The following KLHL12 variants were observed in gnomAD, a reference collection of about 807,000 sequenced individuals.
KLHL12 encodes kelch-like protein 12.
Under a neutral mutation model 60.8 loss-of-function variants are expected in KLHL12, and 17 were observed. That is an observed-to-expected ratio of 0.28 (90% CI 0.19 to 0.42). KLHL12 has a LOEUF of 0.42. KLHL12 is among the 10% of genes least tolerant of loss of function. The pLI is 1.00. For synonymous variants in KLHL12, 220 were observed against 250.9 expected (o/e 0.88, Z 1.16); for missense variants, 468 against 722.3 (o/e 0.65, Z 4.04).
chr1:202,920,624 C>T (rs1660665249), intron 2 of KLHL12, among the ~76,000 whole-genome samples: 1 of 151,786 alleles, frequency 6.6e-6, no homozygotes, highest in Non-Finnish European at 1.5e-5. Context: ...GATCCGCCTG[C>T]CTCAGCCTCC....
rs1384987489 is a variant in KLHL12, at chr1:202,895,959, A to G, written c.940-242T>C. 4.6e-5 allele frequency among the ~76,000 whole-genome samples: 7 copies of G among 152,164 alleles called. No homozygotes were observed. The highest frequency in any genetic ancestry group is 1.7e-4 in the African/African-American group (7 of 41,398). The stretch of plus-strand genomic sequence containing the variant: ...TCTCTGCCTCTTTCCAAGGCTTCCA[A>G]AAGATTTAACAGCTTTCTGTTATCC... On this transcript the variant is annotated intron_variant, in intron 7 of 11. Coordinates refer to ENST00000367261, the MANE Select transcript of KLHL12 (RefSeq NM_021633.4). This position sits in a 1 kb window ranked among gnomAD's most constrained non-coding sequence, Gnocchi z 4.2.
At chr1:202,927,023 G>A (rs1357097379) in intron 1 of KLHL12, 66 bp downstream of exon 1, 2 of 970,018 alleles carry the variant, frequency 2.1e-6, no homozygotes, top group Non-Finnish European at 2.5e-6. Context: ...TGGGGGGTAG[G>A]GCCATAACCC....
At position 202,927,190 on chromosome 1, in the gene KLHL12, C is replaced by A. The variant is rs1571550008; in HGVS notation, c.-147G>T. The A allele has an allele frequency of 2.0e-6, 2 of 985,122 alleles. No homozygotes were observed. Among genetic ancestry groups the A allele is most frequent in the South Asian group, 4.7e-5 (1 of 21,286 alleles). 61.0% of individuals were successfully genotyped at this position (985,122 alleles called of 1,614,324 possible). On this transcript the variant is annotated 5_prime_UTR_variant, in exon 1 of 12. Transcript: ENST00000367261. Reference sequence around the variant, plus strand: ...GGCGGCTCGGGAGGAGCCGAAGCGCCGCCCAGACCCGGAGGCTCTGGAGGC... The same window carrying A: ...GGCGGCTCGGGAGGAGCCGAAGCGCAGCCCAGACCCGGAGGCTCTGGAGGC...
At chr1:202,913,188 T>A (rs2102439972) in intron 4 of KLHL12, among the ~76,000 whole-genome samples, 1 of 152,214 alleles carries the variant, frequency 6.6e-6, no homozygotes, top group South Asian at 2.1e-4. Flanking sequence ...TAAGCATACA[T>A]ATGACCAATT....
chr1:202,911,419 A>ATATAT (rs36141808), intron 4 of KLHL12, among the ~76,000 whole-genome samples: 25 of 150,768 alleles, frequency 1.7e-4, no homozygotes, highest in Non-Finnish European at 1.5e-5. Flanking sequence ...TTAAAAAAAA[A>ATATAT]ATATATATAT....
At chr1:202,899,604 T>C (rs559151960) in intron 6 of KLHL12, among the ~76,000 whole-genome samples, 2 of 151,832 alleles carry the variant, frequency 1.3e-5, no homozygotes, top group South Asian at 2.1e-4. Context: ...AGCAGGTAAA[T>C]TGTCTGAGGT....
At chr1:202,897,830 A>G (rs559770871) in intron 6 of KLHL12, among the ~76,000 whole-genome samples, 4 of 151,948 alleles carry the variant, frequency 2.6e-5, no homozygotes, top group South Asian at 2.1e-4. Flanking sequence ...TCAGCCTCCC[A>G]AAGTGCTGGG....
At chr1:202,905,104 C>G (rs1364330901) in intron 6 of KLHL12, among the ~76,000 whole-genome samples, 2 of 152,176 alleles carry the variant, frequency 1.3e-5, no homozygotes, top group Non-Finnish European at 2.9e-5. Flanking sequence ...TAATTGGAAA[C>G]TGCTTCAGCA....
At chr1:202,904,497 T>C (rs1229081761) in intron 6 of KLHL12, among the ~76,000 whole-genome samples, 1 of 152,190 alleles carries the variant, frequency 6.6e-6, no homozygotes, top group African/African-American at 2.4e-5. Context: ...TGGAGACCAA[T>C]ACTCAAACAA....
intron 2 of KLHL12, among the ~76,000 whole-genome samples, chr1:202,921,177 A>ATT (rs568392113): frequency 0.18 from 24,195 of 134,988 alleles, 2,656 homozygotes; most frequent in East Asian, 0.43. Flanking sequence ...CAACCAGCTA[A>ATT]TTTTTTTTTT....
At chr1:202,904,129 C>T (rs1357272349) in intron 6 of KLHL12, among the ~76,000 whole-genome samples, 5 of 152,018 alleles carry the variant, frequency 3.3e-5, no homozygotes, top group African/African-American at 9.7e-5. Context: ...AGCAATTTCC[C>T]GAGTAGCTGG....
chr1:202,894,835 TA>T (rs2102406498), intron 8 of KLHL12, 86 bp from the exon 9 acceptor site: 2 of 1,159,780 alleles, frequency 1.7e-6, no homozygotes, highest in South Asian at 1.3e-5. Context: ...AAGGGTCCTT[TA>T]AAAGTCTGAG....
At position 202,892,431 on chromosome 1, in the gene KLHL12, G is replaced by A. The variant is rs2363765; in HGVS notation, c.*102C>T. The A allele has an allele frequency of 6.1e-4, 796 of 1,306,904 alleles. 1 individual carries two copies. The highest frequency in any genetic ancestry group is 3.5e-3 in the Middle Eastern group (13 of 3,754). 81.0% of individuals were successfully genotyped at this position (1,306,904 alleles called of 1,614,324 possible). A position where few individuals can be genotyped will look rare whatever the true frequency, so the allele number is the denominator to read the frequency against. On this transcript the variant is annotated 3_prime_UTR_variant, in exon 12 of 12. Coordinates refer to ENST00000367261, the MANE Select transcript of KLHL12 (RefSeq NM_021633.4). ...ACTGCACTGGTGCCTGTAATCACCC[G>A]GTGCACATAGTGAGAAACAGACATT... is the stretch of plus-strand genomic sequence containing the variant.
chr1:202,896,779 G>T, intron 7 of KLHL12, 75 bp downstream of exon 7: 1 of 1,099,684 alleles, frequency 9.1e-7, no homozygotes, highest in Non-Finnish European at 1.4e-6. Context: ...CTTAAGGCTG[G>T]ATTAGCTATG....
At position 202,911,456 on chromosome 1, in the gene KLHL12, ATCTCTCTC is replaced by A. The variant is rs10577552; in HGVS notation, c.568-261_568-254del. Among the ~76,000 whole-genome samples the A allele has an allele frequency of 8.9e-4, 133 of 149,342 alleles. 2 individuals carry two copies. Among genetic ancestry groups the A allele is most frequent in the Admixed American group, 1.4e-3 (21 of 14,910 alleles). ...TACACACACACATATATATATATGT[ATCTCTCTC>A]TCTCTCTCTCTCTCTAAGATAGATA... On this transcript the variant is annotated intron_variant, in intron 4 of 11. Transcript: ENST00000367261.
Position 202,894,638 on chromosome 1 carries a change from CG to C in KLHL12, c.1246del (p.Arg416GlyfsTer7), listed in dbSNP as rs1659775797. 6.2e-7 allele frequency: 1 copy of C among 1,614,030 alleles called. No individual in the cohort carries two copies. The highest frequency in any genetic ancestry group is 8.5e-7 in the Non-Finnish European group (1 of 1,180,034). On this transcript the variant is annotated frameshift_variant, in exon 9 of 12. Transcript: ENST00000367261. LOFTEE classifies it high-confidence loss of function. ...GGCCACTACGAGTCCGGCACCTTCC[CG>C]GGCTGTCTGCATATCTCCCAGCATG... The part of the protein sequence containing the change: ...WSMLGDMQTA[R>X]EGAGLVVASG...
At chr1:202,927,253 A>T (rs919432621), upstream of KLHL12, 2 of 984,520 alleles carry the variant, frequency 2.0e-6, no homozygotes, top group African/African-American at 3.5e-5. Flanking sequence ...CGGCCGCGCG[A>T]CGTGATGACG....
chr1:202,906,913 T>C (rs1303949789), intron 6 of KLHL12, among the ~76,000 whole-genome samples: 1 of 152,112 alleles, frequency 6.6e-6, no homozygotes, highest in African/African-American at 2.4e-5. Context: ...CTGCCCACCT[T>C]GGCCTCCCAA....
chr1:202,908,959 G>T, intron 6 of KLHL12, 51 bp downstream of exon 6: 1 of 1,135,678 alleles, frequency 8.8e-7, no homozygotes, highest in Non-Finnish European at 1.3e-6. Flanking sequence ...GTTGTCACCT[G>T]CAAGAAGTAG....
Sources: allele counts gnomAD v4.1 joint callset (sites outside exome capture counted in the v4.1 genomes callset), GRCh38; gene constraint gnomAD v4.1.1; non-coding constraint Gnocchi (gnomAD v3.1); transcripts MANE v1.5; gene names NCBI Gene and HGNC (gene_info 2026-07-23, HGNC 2026-07-21).